Variants in EXT2 observed in about 807,000 individuals in gnomAD.
The protein encoded by EXT2 is exostosin glycosyltransferase 2.
Under a neutral mutation model 81.6 loss-of-function variants are expected in EXT2, and 53 were observed. The ratio of observed to expected loss-of-function variants is 0.65; its 90% CI spans 0.52 to 0.82. EXT2 has a LOEUF of 0.82. EXT2 is among the 40% of genes least tolerant of loss of function. The pLI is 0.00. For synonymous variants in EXT2, 320 were observed against 340.0 expected, an observed-to-expected ratio of 0.94 and a Z score of 0.65; for missense variants, 774 against 910.2, an observed-to-expected ratio of 0.85 and a Z score of 1.93.
rs746501704 is a variant in EXT2 at position 44,244,213 on chromosome 11, C to T, written c.2083C>T (p.Arg695Ter). The T allele has an allele frequency of 1.5e-5, 25 of 1,613,648 alleles. No homozygotes were observed. The highest frequency in any genetic ancestry group is 5.3e-5 in the African/African-American group (4 of 74,878). ...CATGCCTCTCAAGGTGGTGGAACACCGAGCTGACCCTGTCCTGTACAAAGA... is the reference window on the plus strand; with the variant it reads ...CATGCCTCTCAAGGTGGTGGAACACTGAGCTGACCCTGTCCTGTACAAAGA... The part of the protein sequence containing the change: ...GTMPLKVVEH[R>*]ADPVLYKDDF... The change falls in exon 14 of 14, where the codon CGA becomes TGA. Residue 695 changes from arginine (R) to a stop codon, truncating the protein, a stop_gained. Transcript: ENST00000533608. LOFTEE classifies it high-confidence loss of function.
At chr11:44,198,532 C>T (rs558279952) in intron 9 of EXT2, among the ~76,000 whole-genome samples, 75 of 152,296 alleles carry the variant, frequency 4.9e-4, no homozygotes, top group Non-Finnish European at 9.7e-4. Flanking sequence ...TTGCCTTGGC[C>T]ACCCCTGTAA....
rs531942530 is a variant in EXT2 at position 44,245,089 on chromosome 11, A to G, written c.*802A>G. The G allele has an allele frequency of 1.5e-4, 35 of 231,144 alleles. No individual in the cohort carries two copies. The South Asian group carries it at 6.4e-3, about 42-fold the overall frequency. The allele number at this position is 231,144 out of a possible 1,614,324, so 14.3% of individuals were successfully genotyped here. A position where few individuals can be genotyped will look rare whatever the true frequency, so the allele number is the denominator to read the frequency against. ...GATACCCTCTGCATCAAGCGTAAGA[A>G]GGTCCCAAATCATAACCATTTTAAG... On this transcript the variant is annotated 3_prime_UTR_variant, in exon 14 of 14. Coordinates refer to ENST00000533608, the MANE Select transcript of EXT2 (RefSeq NM_207122.2).
At chr11:44,208,634 G>T (rs1316248044) in intron 10 of EXT2, among the ~76,000 whole-genome samples, 1 of 152,196 alleles carries the variant, frequency 6.6e-6, no homozygotes, top group Non-Finnish European at 1.5e-5. Context: ...GAACAACTTT[G>T]ATAACAACCT....
chr11:44,114,218 G>A lies in EXT2; in HGVS notation c.660G>A (p.Trp220Ter), dbSNP rs1366838906. 6.2e-7 allele frequency: 1 copy of A among 1,613,930 alleles called. No homozygotes were observed. The highest frequency in any genetic ancestry group is 8.5e-7 in the Non-Finnish European group (1 of 1,179,994). ...ALLAGGGFST[W>*]TYRQGYDVSI... The stretch of plus-strand genomic sequence containing the variant: ...TGGCTGGTGGCGGCTTTTCTACGTG[G>A]ACTTACCGGCAAGGCTACGATGTCA... The change falls in exon 4 of 14, where the codon TGG becomes TGA. Residue 220 changes from tryptophan to a stop codon, truncating the protein, a stop_gained. Transcript: ENST00000533608. LOFTEE classifies it high-confidence loss of function.
intron 7 of EXT2, among the ~76,000 whole-genome samples, chr11:44,165,023 C>T (rs977725627): frequency 7.2e-5 from 11 of 151,816 alleles, no homozygotes; most frequent in East Asian, 1.9e-4. Flanking sequence ...GGACTACAGG[C>T]GCCCGCCACC....
chr11:44,181,998 G>A (rs1327518468), intron 8 of EXT2, among the ~76,000 whole-genome samples: 1 of 152,160 alleles, frequency 6.6e-6, no homozygotes, highest in Non-Finnish European at 1.5e-5. Flanking sequence ...ATTTCTCTTG[G>A]ACTGGCTCAT....
intron 9 of EXT2, among the ~76,000 whole-genome samples, chr11:44,202,688 AGTGACTACCTCCAGT>A (rs1415935755): frequency 6.6e-6 from 1 of 152,238 alleles, no homozygotes; most frequent in Non-Finnish European, 1.5e-5. Context: ...CTGACATTTT[AGTGACTACCTCCAGT>A]GTGCTGGGCA....
At chr11:44,162,501 A>G (rs1275160800) in intron 7 of EXT2, among the ~76,000 whole-genome samples, 1 of 148,952 alleles carries the variant, frequency 6.7e-6, no homozygotes, top group Non-Finnish European at 1.5e-5. Context: ...GCTTGAACCC[A>G]GTAGGCTGAG....
chr11:44,166,241 G>A (rs887365187), intron 7 of EXT2, among the ~76,000 whole-genome samples: 2 of 152,214 alleles, frequency 1.3e-5, no homozygotes, highest in Non-Finnish European at 2.9e-5. Flanking sequence ...CATAGTAAGG[G>A]GAGATTGGTG....
intron 10 of EXT2, among the ~76,000 whole-genome samples, chr11:44,222,750 G>A (rs1226123500): frequency 1.3e-5 from 2 of 151,732 alleles, no homozygotes; most frequent in African/African-American, 4.8e-5. Context: ...GACACCAAAA[G>A]CATGATCCAT....
intron 11 of EXT2, among the ~76,000 whole-genome samples, chr11:44,232,788 A>G (rs1165997799): frequency 6.6e-6 from 1 of 152,170 alleles, no homozygotes; most frequent in Admixed American, 6.5e-5. Flanking sequence ...ACTTACTTGT[A>G]TGTATACACA....
intron 3 of EXT2, among the ~76,000 whole-genome samples, chr11:44,112,274 C>G (rs774897987): frequency 2.0e-5 from 3 of 152,162 alleles, no homozygotes; most frequent in Non-Finnish European, 4.4e-5. Context: ...TCAGAGGAGA[C>G]GTCCCAGAAT....
rs2135291920 is a variant in EXT2 at position 44,248,638 on chromosome 11, G to A, written c.*4351G>A. 6.6e-6 allele frequency among the ~76,000 whole-genome samples: 1 copy of A among 152,272 alleles called. No homozygotes were observed. On this transcript the variant is annotated 3_prime_UTR_variant, in exon 14 of 14. Coordinates refer to ENST00000533608, the MANE Select transcript of EXT2 (RefSeq NM_207122.2). ...TTTTAATGTTTCCCCCTCATTTTAG[G>A]GTGGGAGCTGTGAGTTCATCTGAAG...
At chr11:44,234,680 A>C (rs1026402566) in intron 12 of EXT2, among the ~76,000 whole-genome samples, 3 of 152,098 alleles carry the variant, frequency 2.0e-5, no homozygotes, top group Non-Finnish European at 1.5e-5. Flanking sequence ...CAACGAATTT[A>C]ATTGCTTTTA....
intron 3 of EXT2, 62 bp from the exon 4 acceptor site, chr11:44,114,121 CCA>C: frequency 1.5e-6 from 2 of 1,372,950 alleles, no homozygotes; most frequent in Non-Finnish European, 2.1e-6. Flanking sequence ...CTGTTCCTCT[CCA>C]CAGTGTGTAT....
intron 10 of EXT2, among the ~76,000 whole-genome samples, chr11:44,229,487 C>T (rs1232721908): frequency 2.0e-5 from 3 of 152,186 alleles, no homozygotes; most frequent in Non-Finnish European, 4.4e-5. Context: ...GAGCTGGTTT[C>T]ACACAAATGA....
chr11:44,179,887 AT>A (rs1955211154), intron 8 of EXT2, among the ~76,000 whole-genome samples: 1 of 151,406 alleles, frequency 6.6e-6, no homozygotes, highest in Non-Finnish European at 1.5e-5. Flanking sequence ...CTCCCAATTG[AT>A]TAATTTTTTA....
At chr11:44,184,926 C>T (rs946936435) in intron 8 of EXT2, among the ~76,000 whole-genome samples, 4 of 152,110 alleles carry the variant, frequency 2.6e-5, no homozygotes, top group Non-Finnish European at 4.4e-5. Context: ...TATTTTGGTA[C>T]AGTGCTTGAT....
intron 1 of EXT2, among the ~76,000 whole-genome samples, chr11:44,101,654 C>T (rs891580397): frequency 1.2e-4 from 19 of 152,294 alleles, no homozygotes; most frequent in African/African-American, 4.1e-4. Context: ...GTGAGGGGAC[C>T]TGCATCTTTG....
Sources: allele counts gnomAD v4.1 joint callset (sites outside exome capture counted in the v4.1 genomes callset), GRCh38; gene constraint gnomAD v4.1.1; transcripts MANE v1.5; gene names NCBI Gene and HGNC (gene_info 2026-07-23, HGNC 2026-07-21).